The following CDH13 variants were observed in gnomAD, a reference collection of about 807,000 sequenced individuals.
CDH13 encodes cadherin-13.
In CDH13, 24 loss-of-function variants were observed where a neutral mutation model predicts 63.8. The observed-to-expected ratio is 0.38, with a 90% CI of 0.27 to 0.53. The LOEUF is 0.53. Among genes scored for constraint, CDH13 ranks in the 20% least tolerant of loss-of-function variants. CDH13 has a pLI of 0.85. For synonymous variants in CDH13, 503 were observed against 355.3 expected (o/e 1.42, Z -4.67); for missense variants, 1,049 against 903.1 (o/e 1.16, Z -2.07).
At chr16:83,779,406 C>CAAAAAAAAAAAAAAAAA (rs144757645) in intron 11 of CDH13, among the ~76,000 whole-genome samples, 1 of 82,552 alleles carries the variant, frequency 1.2e-5, no homozygotes, top group Non-Finnish European at 2.0e-5. Flanking sequence ...GACTCCATCT[C>CAAAAAAAAAAAAAAAAA]AAAAAAAAAA....
chr16:83,714,002 T>C (rs1645849), intron 10 of CDH13, among the ~76,000 whole-genome samples: 42,954 of 152,094 alleles, frequency 0.28, 6,503 homozygotes, highest in Middle Eastern at 0.47. Context: ...CCTGGGCTCA[T>C]GCTCACTTGT....
chr16:83,173,548 G>A (rs1007877712), intron 4 of CDH13, among the ~76,000 whole-genome samples: 8 of 152,042 alleles, frequency 5.3e-5, no homozygotes, highest in Non-Finnish European at 1.2e-4. Context: ...GATAAACAAT[G>A]ACTAGTGTTT....
intron 6 of CDH13, among the ~76,000 whole-genome samples, chr16:83,371,883 A>G (rs1213118667): frequency 6.6e-6 from 1 of 152,230 alleles, no homozygotes; most frequent in African/African-American, 2.4e-5. Context: ...ATGTATTTAA[A>G]GGAACAAGAA....
intron 1 of CDH13, among the ~76,000 whole-genome samples, chr16:82,725,295 C>G (rs2033031996): frequency 1.3e-5 from 2 of 152,200 alleles, no homozygotes; most frequent in Non-Finnish European, 2.9e-5. Flanking sequence ...TGTCCCAGCT[C>G]TATCACCAAA....
intron 3 of CDH13, among the ~76,000 whole-genome samples, chr16:83,036,886 C>T (rs558159237): frequency 6.6e-6 from 1 of 152,142 alleles, no homozygotes; most frequent in East Asian, 1.9e-4. Flanking sequence ...TCCAGCATCC[C>T]AGGGTCCACT....
chr16:83,217,711 A>G (rs1400088329), intron 5 of CDH13, among the ~76,000 whole-genome samples: 1 of 152,166 alleles, frequency 6.6e-6, no homozygotes, highest in Non-Finnish European at 1.5e-5. Flanking sequence ...CCAGGCCTGC[A>G]TCAGACTTTG....
intron 1 of CDH13, among the ~76,000 whole-genome samples, chr16:82,837,072 A>G (rs796656471): frequency 5.3e-5 from 8 of 152,326 alleles, no homozygotes; most frequent in African/African-American, 1.9e-4. Flanking sequence ...CAACCCATCG[A>G]GGTGGAAGTC....
chr16:82,861,579 C>A (rs1164253355), intron 2 of CDH13, among the ~76,000 whole-genome samples: 1 of 152,150 alleles, frequency 6.6e-6, no homozygotes, highest in Non-Finnish European at 1.5e-5. Flanking sequence ...TCATCTTCCT[C>A]CTCAATTTTC....
At chr16:83,070,583 C>A (rs1272833606) in intron 3 of CDH13, among the ~76,000 whole-genome samples, 2 of 151,964 alleles carry the variant, frequency 1.3e-5, no homozygotes, top group East Asian at 1.9e-4. Flanking sequence ...GTAAAAGTTG[C>A]TTTAGAAAAG....
intron 6 of CDH13, among the ~76,000 whole-genome samples, chr16:83,440,729 G>C (rs2072455724): frequency 6.8e-6 from 1 of 147,158 alleles, no homozygotes; most frequent in Non-Finnish European, 1.5e-5. Context: ...AGGCTACAGT[G>C]AGTTGAGACT....
At chr16:82,883,465 G>T (rs2040775572) in intron 2 of CDH13, among the ~76,000 whole-genome samples, 1 of 152,206 alleles carries the variant, frequency 6.6e-6, no homozygotes, top group Admixed American at 6.5e-5. Flanking sequence ...GTATGATCAG[G>T]CTGGAACACA....
At chr16:82,868,368 A>G (rs1228779921) in intron 2 of CDH13, among the ~76,000 whole-genome samples, 1 of 152,208 alleles carries the variant, frequency 6.6e-6, no homozygotes, top group Non-Finnish European at 1.5e-5. Flanking sequence ...TCTAGTAGTA[A>G]GTCAATTAAT....
At chr16:83,209,921 A>G (rs922710452) in intron 4 of CDH13, among the ~76,000 whole-genome samples, 1 of 152,146 alleles carries the variant, frequency 6.6e-6, no homozygotes, top group African/African-American at 2.4e-5. Context: ...ATGGCCATCC[A>G]GCTAAAGAAA....
chr16:82,969,160 G>A (rs769554799), intron 2 of CDH13, among the ~76,000 whole-genome samples: 5 of 152,110 alleles, frequency 3.3e-5, no homozygotes, highest in Non-Finnish European at 7.4e-5. Context: ...TGTTAGAATC[G>A]ATATCTAGGT....
At chr16:83,086,510 G>T (rs763413247) in intron 3 of CDH13, among the ~76,000 whole-genome samples, 3 of 152,168 alleles carry the variant, frequency 2.0e-5, no homozygotes, top group Admixed American at 2.0e-4. Flanking sequence ...ATCAAGGATT[G>T]AGCCAAGCGG....
At chr16:82,906,708 C>A (rs557183023) in intron 2 of CDH13, among the ~76,000 whole-genome samples, 4 of 152,278 alleles carry the variant, frequency 2.6e-5, no homozygotes, top group African/African-American at 7.2e-5. Context: ...ATTCCATATT[C>A]ATGGTTTCGG....
rs959400504 is a variant in CDH13, at chr16:83,739,852, C to G, written c.1539-8256C>G. On this transcript the variant is annotated intron_variant, in intron 10 of 13. Coordinates refer to ENST00000567109, the MANE Select transcript of CDH13 (RefSeq NM_001257.5). ...CTACCCACTCAGTGTGTGCGGGCCA[C>G]TCTTCTAGATTCTATGTATGAAGGG... The G allele has an allele frequency of 5.3e-4, 81 of 152,210 alleles. 3 individuals are homozygous for G. Among genetic ancestry groups the G allele is most frequent in the Non-Finnish European group, 1.5e-5 (1 of 68,062 alleles). The allele number at this position is 152,210 out of a possible 1,614,324, so 9.4% of individuals were successfully genotyped here.
intron 7 of CDH13, among the ~76,000 whole-genome samples, chr16:83,504,890 G>A (rs542630108): frequency 2.0e-5 from 3 of 152,266 alleles, no homozygotes; most frequent in African/African-American, 7.2e-5. Flanking sequence ...TAAGTCTCAT[G>A]GTGACATGTC....
At chr16:83,171,350 T>A (rs942633951) in intron 4 of CDH13, among the ~76,000 whole-genome samples, 2 of 152,096 alleles carry the variant, frequency 1.3e-5, no homozygotes, top group African/African-American at 4.8e-5. Flanking sequence ...TCATGGAGGA[T>A]GCACCCCCAT....
Sources: allele counts gnomAD v4.1 joint callset (sites outside exome capture counted in the v4.1 genomes callset), GRCh38; gene constraint gnomAD v4.1.1; transcripts MANE v1.5; gene names NCBI Gene and HGNC (gene_info 2026-07-23, HGNC 2026-07-21).